The following ENPP3 variants were observed in gnomAD, a reference collection of about 807,000 sequenced individuals.
The protein encoded by ENPP3 is ectonucleotide pyrophosphatase/phosphodiesterase 3, also known as ectonucleotide pyrophosphatase/phosphodiesterase family member 3.
A neutral mutation model predicts 117.8 loss-of-function variants in ENPP3; 104 were observed. That is an observed-to-expected ratio of 0.88 (90% CI 0.75 to 1.04). The LOEUF (loss-of-function observed/expected upper bound fraction) is 1.04, where lower values mean the gene tolerates loss of function less well. Ranked by LOEUF, ENPP3 falls within the 50% of genes least tolerant of loss-of-function variation. ENPP3 has a pLI of 0.00. For missense variants in ENPP3, 1,026 were observed against 1,051.9 expected (o/e 0.98, Z 0.34); for synonymous variants, 380 against 349.9 (o/e 1.09, Z -0.96).
intron 22 of ENPP3, 115 bp downstream of exon 22, chr6:131,737,547 T>C: frequency 1.5e-6 from 1 of 652,934 alleles, no homozygotes; most frequent in Non-Finnish European, 2.7e-6. Flanking sequence ...GGTCATTTTG[T>C]TCTAATGGTT....
chr6:131,724,580 G>C (rs1017200267), intron 19 of ENPP3, among the ~76,000 whole-genome samples: 1 of 152,158 alleles, frequency 6.6e-6, no homozygotes, highest in Non-Finnish European at 1.5e-5. Context: ...TATCTTTTAA[G>C]TATTCTTGTA....
intron 23 of ENPP3, among the ~76,000 whole-genome samples, chr6:131,738,963 T>C (rs574568844): frequency 9.2e-5 from 14 of 152,324 alleles, no homozygotes; most frequent in African/African-American, 2.4e-4. Flanking sequence ...TATTTCAGTA[T>C]TGACTCTACC....
chr6:131,696,170 G>A (rs149527186), intron 15 of ENPP3, among the ~76,000 whole-genome samples: 50 of 152,266 alleles, frequency 3.3e-4, no homozygotes, highest in African/African-American at 1.1e-3. Context: ...GAAACCTGAT[G>A]TTTTGATATA....
Position 131,685,349 on chromosome 6 carries a change from T to A in ENPP3, c.1121-15T>A. 6.3e-7 allele frequency: 1 copy of A among 1,599,428 alleles called. No homozygotes were observed. The highest frequency in any genetic ancestry group is 8.5e-7 in the Non-Finnish European group (1 of 1,170,082). The stretch of plus-strand genomic sequence containing the variant: ...TATACATTCAGTGGGTTATTATGAT[T>A]ATTTTTTTATTCAGGAATGGACCAG... On this transcript the variant is annotated splice_polypyrimidine_tract_variant and intron_variant, in intron 12 of 24. Coordinates refer to ENST00000357639, the MANE Select transcript of ENPP3 (RefSeq NM_005021.5).
chr6:131,640,584 C>G (rs1367207357), intron 1 of ENPP3, among the ~76,000 whole-genome samples: 1 of 152,158 alleles, frequency 6.6e-6, no homozygotes, highest in African/African-American at 2.4e-5. Context: ...ATTATCTAAG[C>G]AAAATCTGAT....
At chr6:131,693,426 G>A in intron 14 of ENPP3, 71 bp from the exon 15 acceptor site, 2 of 1,367,530 alleles carry the variant, frequency 1.5e-6, no homozygotes. Context: ...ATAAATTGAT[G>A]TAGAAGATGA....
At chr6:131,665,055 A>G (rs1301586606) in intron 6 of ENPP3, among the ~76,000 whole-genome samples, 1 of 152,162 alleles carries the variant, frequency 6.6e-6, no homozygotes, top group African/African-American at 2.4e-5. Context: ...TATCACATTA[A>G]TTGATTTTCA....
intron 24 of ENPP3, among the ~76,000 whole-genome samples, chr6:131,744,877 T>C (rs1562486770): frequency 1.3e-5 from 2 of 152,088 alleles, no homozygotes; most frequent in Non-Finnish European, 2.9e-5. Context: ...CATAAAACTG[T>C]ATAGCCTATT....
chr6:131,646,664 T>C (rs57849806), intron 2 of ENPP3, among the ~76,000 whole-genome samples: 4,968 of 151,952 alleles, frequency 0.033, 164 homozygotes, highest in East Asian at 0.16. Context: ...GACACCCTGT[T>C]TCTCTTACTT....
At chr6:131,679,026 C>CTTCCTTCCTTCTTTCTTTCTTTCT (rs1562446870) in intron 11 of ENPP3, among the ~76,000 whole-genome samples, 1 of 47,864 alleles carries the variant, frequency 2.1e-5, no homozygotes, top group Non-Finnish European at 3.7e-5. Flanking sequence ...TCCTTCCTTC[C>CTTCCTTCCTTCTTTCTTTCTTTCT]TTCTTTCTTT....
Position 131,726,078 on chromosome 6 carries a change from G to T in ENPP3, c.1831G>T (p.Gly611Trp). 6.2e-7 allele frequency: 1 copy of T among 1,612,038 alleles called. No individual in the cohort carries two copies. The highest frequency in any genetic ancestry group is 8.5e-7 in the Non-Finnish European group (1 of 1,178,524). ...TATVKVNLPFGRPRVLQKNVD... is the reference protein window; with the variant it reads ...TATVKVNLPFWRPRVLQKNVD... ...AACAGTGAAAGTAAATTTGCCATTT[G>T]GGAGGCCTAGGGTACTGCAGAAGAA... Residue 611 changes from glycine (G) to tryptophan (W), a missense_variant, in exon 20 of 25, where the codon GGG becomes TGG. Transcript: ENST00000357639.
rs1562451181 is a variant in ENPP3 at position 131,685,479 on chromosome 6, T to A, written c.1236T>A (p.Pro412=). The part of the protein sequence containing the change: ...PAPRIRAHNI[P]HDFFSFNSEE... ...CCCGCATCCGAGCTCATAATATACC[T>A]CATGACTTTTTTAGTTGTAAGTATG... Residue 412 remains proline, a synonymous_variant, in exon 13 of 25, where the codon CCT becomes CCA. Transcript: ENST00000357639. The A allele has an allele frequency of 5.6e-6, 9 of 1,613,324 alleles. No individual in the cohort carries two copies. In the Admixed American group the frequency reaches 1.5e-4, roughly 27 times the overall value.
rs1421345237 is a variant in ENPP3 at position 131,716,856 on chromosome 6, A to C, written c.1413-1816A>C. Reference sequence around the variant, plus strand: ...TGTGGTGGCACATGCCTGTAGTCCCAGCTACTCGGGAGGCTGAGGCAGGAG... The same window carrying C: ...TGTGGTGGCACATGCCTGTAGTCCCCGCTACTCGGGAGGCTGAGGCAGGAG... On this transcript the variant is annotated intron_variant, in intron 15 of 24. Transcript: ENST00000357639. Among the ~76,000 whole-genome samples the C allele has an allele frequency of 5.3e-5, 8 of 150,520 alleles. No homozygotes were observed. In the East Asian group the frequency reaches 1.2e-3, roughly 23 times the overall value.
intron 15 of ENPP3, among the ~76,000 whole-genome samples, chr6:131,694,480 G>A (rs1376985502): frequency 1.3e-5 from 2 of 152,052 alleles, no homozygotes; most frequent in Non-Finnish European, 2.9e-5. Context: ...GGACTTTATG[G>A]CATTTTTCTA....
In ENPP3 at chr6:131,710,868, A is replaced by G. The variant is rs1363751801; in HGVS notation, c.1413-7804A>G. On this transcript the variant is annotated intron_variant, in intron 15 of 24. Coordinates refer to ENST00000357639, the MANE Select transcript of ENPP3 (RefSeq NM_005021.5). The stretch of plus-strand genomic sequence containing the variant: ...AAAAAAGGAGAACAACAAAAAATCC[A>G]ATAACAGCTGCACATACCACCAGTT... The G allele has an allele frequency of 1.1e-5, 18 of 1,611,258 alleles. No homozygotes were observed. The Admixed American group carries it at 3.0e-4, about 27-fold the overall frequency.
intron 2 of ENPP3, among the ~76,000 whole-genome samples, chr6:131,644,059 A>G (rs968511094): frequency 6.6e-6 from 1 of 152,048 alleles, no homozygotes; most frequent in Non-Finnish European, 1.5e-5. Flanking sequence ...AAGGACTATC[A>G]AGTGCAAAGG....
chr6:131,720,551 G>A (rs1417749857), intron 17 of ENPP3, among the ~76,000 whole-genome samples, 172 bp downstream of exon 17: 3 of 152,198 alleles, frequency 2.0e-5, no homozygotes, highest in Non-Finnish European at 4.4e-5. Context: ...AGCTATAAGA[G>A]TGAATTCTTT....
chr6:131,695,379 G>A (rs1194352712), intron 15 of ENPP3, among the ~76,000 whole-genome samples: 1 of 152,084 alleles, frequency 6.6e-6, no homozygotes, highest in African/African-American at 2.4e-5. Context: ...ATGGTGAGCT[G>A]TTTATTCTTT....
chr6:131,682,144 T>C (rs943223095), intron 11 of ENPP3, among the ~76,000 whole-genome samples: 1 of 152,146 alleles, frequency 6.6e-6, no homozygotes, highest in Non-Finnish European at 1.5e-5. Context: ...CACTGTTCTT[T>C]AAAAGTATCT....
Sources: allele counts gnomAD v4.1 joint callset (sites outside exome capture counted in the v4.1 genomes callset), GRCh38; gene constraint gnomAD v4.1.1; transcripts MANE v1.5; gene names NCBI Gene and HGNC (gene_info 2026-07-23, HGNC 2026-07-21).